DGKI: variants seen among roughly 807,000 people sequenced by gnomAD.
The protein encoded by DGKI is diacylglycerol kinase iota.
DGKI carries 55 observed loss-of-function variants against 147.5 expected under a neutral mutation model. That is an observed-to-expected ratio of 0.37 (90% confidence interval 0.30 to 0.47). The LOEUF (loss-of-function observed/expected upper bound fraction) is 0.47. Among genes scored for constraint, DGKI ranks in the 20% least tolerant of loss-of-function variants. The pLI is 1.00. For missense variants in DGKI, 1,007 were observed against 1,323.8 expected, an observed-to-expected ratio of 0.76 and a Z score of 3.71; for synonymous variants, 469 against 477.1, an observed-to-expected ratio of 0.98 and a Z score of 0.22.
At chr7:137,393,097 T>C (rs1056704281) in intron 32 of DGKI, among the ~76,000 whole-genome samples, 5 of 152,150 alleles carry the variant, frequency 3.3e-5, no homozygotes, top group African/African-American at 9.7e-5. Flanking sequence ...GGGGGATCAT[T>C]ACAAGTTTAA....
intron 1 of DGKI, among the ~76,000 whole-genome samples, chr7:137,729,018 C>T (rs778905603): frequency 3.8e-4 from 58 of 151,998 alleles, no homozygotes; most frequent in Non-Finnish European, 7.5e-4. Context: ...TTCTCGTTCT[C>T]CAAATTAATT....
At chr7:137,485,638 C>G (rs1261361724) in intron 22 of DGKI, among the ~76,000 whole-genome samples, 1 of 151,986 alleles carries the variant, frequency 6.6e-6, no homozygotes, top group African/African-American at 2.4e-5. Context: ...CTGTTGAAAC[C>G]TATAAGTCCT....
intron 20 of DGKI, among the ~76,000 whole-genome samples, chr7:137,533,159 T>C (rs1396239340): frequency 1.3e-5 from 2 of 151,978 alleles, no homozygotes; most frequent in African/African-American, 4.8e-5. Flanking sequence ...CACGGTGGCA[T>C]GCAACTGTTG....
chr7:137,552,896 T>A (rs760738619), intron 19 of DGKI, among the ~76,000 whole-genome samples: 2 of 151,408 alleles, frequency 1.3e-5, no homozygotes, highest in African/African-American at 2.4e-5. Flanking sequence ...GCATGGGCAA[T>A]AGAGCGAGAC....
chr7:137,522,683 T>A (rs1200504172), intron 20 of DGKI, among the ~76,000 whole-genome samples: 3 of 152,122 alleles, frequency 2.0e-5, no homozygotes, highest in Admixed American at 6.6e-5. Context: ...AGCACCAAAC[T>A]TTCTGAACAT....
chr7:137,660,795 G>A (rs1453957554), intron 3 of DGKI, among the ~76,000 whole-genome samples: 3 of 151,746 alleles, frequency 2.0e-5, no homozygotes, highest in Non-Finnish European at 4.4e-5. Flanking sequence ...GGAAAGGAAG[G>A]ATGGGAAAGA....
chr7:137,572,068 T>C (rs1350146526), intron 18 of DGKI, among the ~76,000 whole-genome samples: 1 of 152,226 alleles, frequency 6.6e-6, no homozygotes, highest in East Asian at 1.9e-4. Context: ...CAGATTTACA[T>C]ACAACTCTCA....
At chr7:137,428,890 A>G (rs930863409) in intron 28 of DGKI, among the ~76,000 whole-genome samples, 24 of 152,296 alleles carry the variant, frequency 1.6e-4, no homozygotes, top group African/African-American at 5.5e-4. Context: ...CAACTGCTCA[A>G]TGAAATAAAA....
chr7:137,623,246 C>T (rs998264636), intron 7 of DGKI, among the ~76,000 whole-genome samples: 4 of 152,150 alleles, frequency 2.6e-5, no homozygotes, highest in Non-Finnish European at 4.4e-5. Flanking sequence ...GTCTTTGACC[C>T]CAAGCTTTAA....
At chr7:137,669,660 T>C (rs1822771216) in intron 3 of DGKI, among the ~76,000 whole-genome samples, 1 of 152,142 alleles carries the variant, frequency 6.6e-6, no homozygotes, top group South Asian at 2.1e-4. Flanking sequence ...TTCTCAGAGG[T>C]TCAAACTCTA....
chr7:137,743,709 C>T (rs562473138), intron 1 of DGKI, among the ~76,000 whole-genome samples: 89 of 152,202 alleles, frequency 5.8e-4, no homozygotes, highest in Non-Finnish European at 9.7e-4. Flanking sequence ...CTTGGCCGGG[C>T]GCGGTGGCTG....
chr7:137,759,233 G>A (rs1403264355), intron 1 of DGKI, among the ~76,000 whole-genome samples: 2 of 151,904 alleles, frequency 1.3e-5, no homozygotes, highest in Admixed American at 6.6e-5. Context: ...CTATTTCTTA[G>A]TTCACTTAGT....
intron 1 of DGKI, among the ~76,000 whole-genome samples, chr7:137,796,027 G>T (rs1342632101): frequency 6.6e-6 from 1 of 152,076 alleles, no homozygotes; most frequent in Non-Finnish European, 1.5e-5. Context: ...AAAAAGTAAG[G>T]ATATGATTTC....
Position 137,485,399 on chromosome 7 carries a change from G to A in DGKI, c.2348C>T (p.Ser783Phe). 1 of 1,609,170 alleles carries A rather than the reference G, an allele frequency of 6.2e-7. No individual in the cohort carries two copies. The highest frequency in any genetic ancestry group is 8.5e-7 in the Non-Finnish European group (1 of 1,177,500). Reference protein sequence around the residue: ...RLQEDLQSVSSGSQRVHYQDH... With the variant: ...RLQEDLQSVSFGSQRVHYQDH... ...CTGGTAATGAACTCTCTGGGAGCCA[G>A]AAGAAACTGACTGTAGGTCCTAATG... is the stretch of plus-strand genomic sequence containing the variant. The change falls in exon 23 of 33, where the codon TCT becomes TTT. Residue 783 changes from serine to phenylalanine, a missense_variant. Coordinates refer to ENST00000614521, the MANE Select transcript of DGKI (RefSeq NM_001321708.2).
intron 21 of DGKI, among the ~76,000 whole-genome samples, chr7:137,514,315 T>A (rs971231490): frequency 1.3e-5 from 2 of 152,222 alleles, no homozygotes; most frequent in African/African-American, 4.8e-5. Flanking sequence ...GATGTCATTA[T>A]GCAGCTCACA....
At chr7:137,676,087 C>T (rs1823027819) in intron 3 of DGKI, among the ~76,000 whole-genome samples, 2 of 152,122 alleles carry the variant, frequency 1.3e-5, no homozygotes, top group Non-Finnish European at 2.9e-5. Context: ...ACATGCGCCT[C>T]ACAGTGCGAG....
intron 1 of DGKI, among the ~76,000 whole-genome samples, chr7:137,839,233 A>T (rs965720044): frequency 1.3e-5 from 2 of 152,186 alleles, no homozygotes; most frequent in African/African-American, 4.8e-5. Flanking sequence ...TCCCCTTCAC[A>T]TCCCCTAGTA....
chr7:137,430,478 A>C (rs1813022736), intron 28 of DGKI, among the ~76,000 whole-genome samples: 1 of 152,024 alleles, frequency 6.6e-6, no homozygotes, highest in Middle Eastern at 3.4e-3. Context: ...TGGGTGCAGC[A>C]CACCAGCATG....
At chr7:137,586,957 T>C in intron 13 of DGKI, 140 bp downstream of exon 13, 1 of 577,490 alleles carries the variant, frequency 1.7e-6, no homozygotes, top group East Asian at 3.1e-5. Context: ...AAATAAGGGC[T>C]CAAGGGCACT....
Sources: allele counts gnomAD v4.1 joint callset (sites outside exome capture counted in the v4.1 genomes callset), GRCh38; gene constraint gnomAD v4.1.1; transcripts MANE v1.5; gene names NCBI Gene and HGNC (gene_info 2026-07-23, HGNC 2026-07-21).